The following CMC1 variants were observed in gnomAD, a reference collection of about 807,000 sequenced individuals.
The protein encoded by CMC1 is COX assembly mitochondrial protein homolog.
CMC1 carries 14 observed loss-of-function variants against 14.1 expected under a neutral mutation model. That is an observed-to-expected ratio of 0.99 (90% CI 0.66 to 1.55). The LOEUF (loss-of-function observed/expected upper bound fraction) is 1.55, where lower values mean the gene tolerates loss of function less well. Among genes scored for constraint, CMC1 ranks in the 40% most tolerant of loss-of-function variants. The pLI, the probability that CMC1 is intolerant of heterozygous loss-of-function variation, is 0.00. For missense variants in CMC1, 127 were observed against 123.8 expected (o/e 1.03, Z -0.12); for synonymous variants, 50 against 38.4 (o/e 1.30, Z -1.12).
At position 28,323,396 on chromosome 3, in the gene CMC1, C is replaced by T. The variant is rs751788773; in HGVS notation, c.*3767C>T. 1 of 144,278 alleles carries T rather than the reference C, an allele frequency of 6.9e-6. No homozygotes were observed. Among genetic ancestry groups the T allele is most frequent in the Non-Finnish European group, 1.5e-5 (1 of 65,688 alleles). 8.9% of individuals were successfully genotyped at this position (144,278 alleles called of 1,614,324 possible). On this transcript the variant is annotated 3_prime_UTR_variant, in exon 4 of 4. Coordinates refer to ENST00000466830, the MANE Select transcript of CMC1 (RefSeq NM_182523.2). ...TCCCAATTAGGACTTAAGGAATGTG[C>T]TGGGACAAAGTTGGCTTCAGTGATC...
intron 3 of CMC1, 159 bp from the exon 4 acceptor site, chr3:28,319,350 A>G (rs1703101388): frequency 1.4e-6 from 1 of 707,620 alleles, no homozygotes; most frequent in Admixed American, 2.0e-5. Context: ...TTAGTTTGGT[A>G]GCATAAAGTT....
At chr3:28,316,520 C>T in intron 3 of CMC1, 97 bp downstream of exon 3, 1 of 514,680 alleles carries the variant, frequency 1.9e-6, no homozygotes, top group Non-Finnish European at 3.3e-6. Flanking sequence ...CTGTACCTCT[C>T]CATACCAAAT....
At chr3:28,289,156 ATTAAT>A (rs1559426910) in intron 2 of CMC1, among the ~76,000 whole-genome samples, 1 of 151,684 alleles carries the variant, frequency 6.6e-6, no homozygotes, top group African/African-American at 2.4e-5. Context: ...GCAAAGCAGT[ATTAAT>A]TTAGAGTTAT....
Position 28,283,555 on chromosome 3 carries a change from A to AAC in CMC1, c.109+20176_109+20177insCA, listed in dbSNP as rs1235596151. 5.3e-3 allele frequency among the ~76,000 whole-genome samples: 720 copies of AAC among 135,852 alleles called. 7 individuals are homozygous for AAC. The highest frequency in any genetic ancestry group is 0.017 in the African/African-American group (657 of 39,528). The allele number at this position is 135,852 out of a possible 152,430, so 89.1% of individuals were successfully genotyped here. A position where few individuals can be genotyped will look rare whatever the true frequency, so the allele number is the denominator to read the frequency against. On this transcript the variant is annotated intron_variant, in intron 2 of 3. Coordinates refer to ENST00000466830, the MANE Select transcript of CMC1 (RefSeq NM_182523.2). ...CAACAACAACAACAACAAAAACAAA[A>AAC]AAAAAAAAAAAAGAAAAGAAGAAAG...
chr3:28,285,821 C>T (rs1422452410), intron 2 of CMC1, among the ~76,000 whole-genome samples: 5 of 149,838 alleles, frequency 3.3e-5, no homozygotes, highest in Admixed American at 3.3e-4. Context: ...GGCTGGAGTG[C>T]AGTGGCGCGA....
At chr3:28,301,402 G>A (rs1256584860) in intron 2 of CMC1, among the ~76,000 whole-genome samples, 2 of 151,948 alleles carry the variant, frequency 1.3e-5, no homozygotes, top group African/African-American at 2.4e-5. Context: ...AAAATTATTT[G>A]TAGGGGCGGG....
chr3:28,244,770 C>T (rs10510607), intron 1 of CMC1, among the ~76,000 whole-genome samples: 23,321 of 150,930 alleles, frequency 0.15, 2,464 homozygotes, highest in East Asian at 0.48. Context: ...AGTTTTTGTA[C>T]GTCAGCAGCT....
Position 28,323,264 on chromosome 3 carries a change from G to A in CMC1, c.*3635G>A, listed in dbSNP as rs1577115940. ...GGCCCACAGAAGGGCAGATTAGACTGAAATCTGTGTGATGCTCCTTCTACT... is the reference window on the plus strand; with the variant it reads ...GGCCCACAGAAGGGCAGATTAGACTAAAATCTGTGTGATGCTCCTTCTACT... On this transcript the variant is annotated 3_prime_UTR_variant, in exon 4 of 4. Transcript: ENST00000466830. The A allele has an allele frequency of 2.6e-5, 4 of 151,100 alleles. No homozygotes were observed. Among genetic ancestry groups the A allele is most frequent in the Admixed American group, 6.6e-5 (1 of 15,074 alleles). 9.4% of individuals were successfully genotyped at this position (151,100 alleles called of 1,614,324 possible).
intron 3 of CMC1, chr3:28,317,003 A>G (rs1702958037): frequency 6.6e-6 from 1 of 152,078 alleles, no homozygotes; most frequent in East Asian, 1.9e-4. Flanking sequence ...TTATTCACCC[A>G]TGTTCTATTG....
intron 2 of CMC1, among the ~76,000 whole-genome samples, chr3:28,307,964 G>A (rs1056357916): frequency 8.5e-5 from 13 of 152,148 alleles, no homozygotes; most frequent in Non-Finnish European, 1.6e-4. Flanking sequence ...TTTAAAGCCA[G>A]CAAGATAGAA....
At chr3:28,263,209 T>G (rs1699823712) in intron 1 of CMC1, 82 bp from the exon 2 acceptor site, 1 of 968,362 alleles carries the variant, frequency 1.0e-6, no homozygotes, top group Non-Finnish European at 1.6e-6. Context: ...GGCTTTTATT[T>G]TAAGTAAACC....
chr3:28,276,102 G>C (rs1700578335), intron 2 of CMC1, among the ~76,000 whole-genome samples: 1 of 152,100 alleles, frequency 6.6e-6, no homozygotes, highest in South Asian at 2.1e-4. Context: ...AGTAGTCTTA[G>C]GCAGTCCCAA....
chr3:28,245,654 G>A (rs1042612364), intron 1 of CMC1, among the ~76,000 whole-genome samples: 1 of 152,152 alleles, frequency 6.6e-6, no homozygotes, highest in African/African-American at 2.4e-5. Flanking sequence ...TTAGGGGGTG[G>A]AAAGTGGGTT....
At chr3:28,299,287 A>G (rs1701900932) in intron 2 of CMC1, among the ~76,000 whole-genome samples, 1 of 152,114 alleles carries the variant, frequency 6.6e-6, no homozygotes, top group African/African-American at 2.4e-5. Flanking sequence ...TGTAATTTAA[A>G]AGTAAAATCA....
intron 1 of CMC1, among the ~76,000 whole-genome samples, chr3:28,261,060 T>C (rs934508532): frequency 3.3e-5 from 5 of 152,202 alleles, no homozygotes; most frequent in Non-Finnish European, 7.4e-5. Flanking sequence ...ATTCTATAAA[T>C]GTTAGTTAGG....
At chr3:28,262,502 T>G (rs1699783396) in intron 1 of CMC1, among the ~76,000 whole-genome samples, 1 of 152,160 alleles carries the variant, frequency 6.6e-6, no homozygotes, top group South Asian at 2.1e-4. Context: ...TTTAGTTTCC[T>G]CCAGGGAAGT....
At chr3:28,252,774 C>A (rs1699196111) in intron 1 of CMC1, among the ~76,000 whole-genome samples, 1 of 152,182 alleles carries the variant, frequency 6.6e-6, no homozygotes, top group Non-Finnish European at 1.5e-5. Flanking sequence ...TTGGCATTGG[C>A]ACTTTATTAG....
At chr3:28,275,399 C>T (rs189660027) in intron 2 of CMC1, among the ~76,000 whole-genome samples, 36 of 147,214 alleles carry the variant, frequency 2.4e-4, no homozygotes, top group Admixed American at 1.1e-3. Context: ...GCTCGGGGTC[C>T]GCTTCAGACC....
chr3:28,314,117 C>T lies in CMC1; in HGVS notation c.110-2216C>T, dbSNP rs946033383. Among the ~76,000 whole-genome samples the T allele has an allele frequency of 1.3e-5, 2 of 152,228 alleles. 1 individual carries two copies. Among genetic ancestry groups the T allele is most frequent in the African/African-American group, 4.8e-5 (2 of 41,530 alleles). Reference sequence around the variant, plus strand: ...GCCTTTAGCTAGCTTTAGCTAATTCCGGATTAACTTTATATACATATTGTT... The same window carrying T: ...GCCTTTAGCTAGCTTTAGCTAATTCTGGATTAACTTTATATACATATTGTT... On this transcript the variant is annotated intron_variant, in intron 2 of 3. Coordinates refer to ENST00000466830, the MANE Select transcript of CMC1 (RefSeq NM_182523.2).
Sources: gnomAD v4.1 joint callset for allele counts (sites outside exome capture counted in the v4.1 genomes callset) on GRCh38, gnomAD v4.1.1 for gene constraint, MANE v1.5 for transcripts, NCBI Gene and HGNC (gene_info 2026-07-23, HGNC 2026-07-21) for gene names.